LPIN1: variants seen among roughly 807,000 people sequenced by gnomAD.
The protein encoded by LPIN1 is lipin 1.
Under a neutral mutation model 107.5 loss-of-function variants are expected in LPIN1, and 71 were observed. The observed-to-expected ratio is 0.66, with a 90% CI of 0.55 to 0.80. LPIN1 has a LOEUF of 0.80. Among genes scored for constraint, LPIN1 ranks in the 30% least tolerant of loss-of-function variants. The pLI is 0.00. For synonymous variants in LPIN1, 445 were observed against 452.6 expected, an observed-to-expected ratio of 0.98 and a Z score of 0.21; for missense variants, 1,043 against 1,160.6, an observed-to-expected ratio of 0.90 and a Z score of 1.47.
chr2:11,759,967 G>A (rs1239503911), intron 1 of LPIN1, among the ~76,000 whole-genome samples: 2 of 147,932 alleles, frequency 1.4e-5, no homozygotes, highest in South Asian at 2.2e-4. Flanking sequence ...CTCAGACGGG[G>A]TGGCTGCCGG....
At chr2:11,725,219 C>T (rs1349114068) in intron 1 of LPIN1, among the ~76,000 whole-genome samples, 1 of 152,200 alleles carries the variant, frequency 6.6e-6, no homozygotes, top group Non-Finnish European at 1.5e-5. Flanking sequence ...TGAGATTGTG[C>T]CACTGCACTC....
intron 6 of LPIN1, chr2:11,777,241 C>G (rs1000502503): frequency 6.6e-6 from 1 of 152,106 alleles, no homozygotes; most frequent in Non-Finnish European, 1.5e-5. Flanking sequence ...CAGTGACGGT[C>G]GGCAGAAAGC....
chr2:11,811,368 C>T (rs925667075), intron 17 of LPIN1, among the ~76,000 whole-genome samples: 3 of 152,202 alleles, frequency 2.0e-5, no homozygotes, highest in African/African-American at 7.2e-5. Context: ...TGGTGGGGCA[C>T]TTGTTGGCAT....
At chr2:11,824,576 C>T in intron 20 of LPIN1, 56 bp from the exon 21 acceptor site, 1 of 1,589,294 alleles carries the variant, frequency 6.3e-7, no homozygotes, top group Non-Finnish European at 8.6e-7. Flanking sequence ...TACGTGCAGC[C>T]CTGGGTGCAT....
At chr2:11,715,710 G>A (rs1458217090) in intron 2 of LPIN1, among the ~76,000 whole-genome samples, 1 of 152,110 alleles carries the variant, frequency 6.6e-6, no homozygotes, top group Non-Finnish European at 1.5e-5. Flanking sequence ...GTGTTCTGCA[G>A]GGTATTGAAA....
At chr2:11,717,980 A>G (rs896568564) in intron 2 of LPIN1, among the ~76,000 whole-genome samples, 3 of 152,144 alleles carry the variant, frequency 2.0e-5, no homozygotes, top group African/African-American at 4.8e-5. Flanking sequence ...TAGTGCCTTT[A>G]TCACACTCTC....
At chr2:11,698,397 G>A (rs1025779376) in intron 1 of LPIN1, among the ~76,000 whole-genome samples, 148 of 152,194 alleles carry the variant, frequency 9.7e-4, no homozygotes, top group Admixed American at 3.3e-4. Context: ...TGGCTGCCAC[G>A]TCCTACGCCT....
upstream of LPIN1, among the ~76,000 whole-genome samples, chr2:11,743,886 C>T (rs78016133): frequency 0.032 from 4,815 of 152,240 alleles, 125 homozygotes; most frequent in African/African-American, 0.074. This position sits in a 1 kb window ranked among gnomAD's most constrained non-coding sequence, Gnocchi z 4.7. Context: ...TCAGAGTTCT[C>T]GGGATACAAC....
At chr2:11,789,431 C>A (rs182742688) in intron 12 of LPIN1, among the ~76,000 whole-genome samples, 1 of 151,180 alleles carries the variant, frequency 6.6e-6, no homozygotes, top group Non-Finnish European at 1.5e-5. Context: ...TATGTGTGTG[C>A]GTGTGTGTAT....
exon 2 of LPIN1, chr2:11,741,403 A>G (rs1373360366): frequency 1.3e-6 from 2 of 1,550,442 alleles, no homozygotes; most frequent in African/African-American, 2.7e-5. Flanking sequence ...AACAGAAGAC[A>G]ACTAGAAACC....
intron 1 of LPIN1, among the ~76,000 whole-genome samples, chr2:11,738,303 G>T (rs1272072109): frequency 6.6e-6 from 1 of 151,610 alleles, no homozygotes; most frequent in East Asian, 1.9e-4. Flanking sequence ...GTTGATGGGT[G>T]CAGCAAATCA....
At chr2:11,824,567 A>G in intron 20 of LPIN1, 65 bp from the exon 21 acceptor site, 28 of 1,558,448 alleles carry the variant, frequency 1.8e-5, no homozygotes, top group South Asian at 4.5e-5. Context: ...CTTGACTTCT[A>G]CGTGCAGCCC....
chr2:11,693,794 A>ATATATG lies in LPIN1; in HGVS notation c.81+16071_81+16072insGTATAT, dbSNP rs1288349773. On this transcript the variant is annotated intron_variant, in intron 1 of 21. Coordinates refer to the LPIN1 transcript ENST00000449576. ...TATGTGTGTGTGTGAGTGTGTATAT[A>ATATATG]TATATATATATATATATATATATAT... Among the ~76,000 whole-genome samples, 138 of 23,164 alleles carry ATATATG rather than the reference A, an allele frequency of 6.0e-3. 3 individuals carry two copies. The highest frequency in any genetic ancestry group is 0.018 in the African/African-American group (122 of 6,788). 15.2% of individuals were successfully genotyped at this position (23,164 alleles called of 152,430 possible).
At chr2:11,808,117 C>T (rs1679025864) in intron 17 of LPIN1, among the ~76,000 whole-genome samples, 1 of 152,160 alleles carries the variant, frequency 6.6e-6, no homozygotes, top group Non-Finnish European at 1.5e-5. Context: ...GTCCTCAGGC[C>T]ACAATCTGTG....
In LPIN1 at chr2:11,824,950, C is replaced by T. The variant is rs761825296; in HGVS notation, c.*159C>T. Reference sequence around the variant, plus strand: ...GAAGCATTTCTCCCCTGCCCCACCCCGGGGCTGACATTTCTAAGCAAGATA... The same window carrying T: ...GAAGCATTTCTCCCCTGCCCCACCCTGGGGCTGACATTTCTAAGCAAGATA... On this transcript the variant is annotated 3_prime_UTR_variant, in exon 21 of 21. Transcript: ENST00000674199. 28 of 784,806 alleles carry T rather than the reference C, an allele frequency of 3.6e-5. No homozygotes were observed. In the East Asian group the frequency reaches 4.3e-4, roughly 12 times the overall value. The allele number at this position is 784,806 out of a possible 1,614,324, so 48.6% of individuals were successfully genotyped here. A position where few individuals can be genotyped will look rare whatever the true frequency, so the allele number is the denominator to read the frequency against.
intron 3 of LPIN1, among the ~76,000 whole-genome samples, chr2:11,769,195 CAAAG>C (rs1445564755): frequency 6.6e-6 from 1 of 152,200 alleles, no homozygotes; most frequent in Non-Finnish European, 1.5e-5. Flanking sequence ...CAGCAGTGCA[CAAAG>C]AGTTGTGATT....
intron 2 of LPIN1, among the ~76,000 whole-genome samples, chr2:11,717,287 C>G (rs1442510360): frequency 6.6e-6 from 1 of 152,164 alleles, no homozygotes; most frequent in East Asian, 1.9e-4. Flanking sequence ...GCTGATTCTA[C>G]AGAGCATCAA....
chr2:11,813,651 A>C (rs1020123014), intron 17 of LPIN1, among the ~76,000 whole-genome samples: 1 of 152,180 alleles, frequency 6.6e-6, no homozygotes, highest in Non-Finnish European at 1.5e-5. Context: ...GTGGTGGCTC[A>C]TGCCTGTAAT....
At chr2:11,741,844 G>A (rs149219293), upstream of LPIN1, among the ~76,000 whole-genome samples, 1,349 of 150,404 alleles carry the variant, frequency 9.0e-3, 11 homozygotes, top group Middle Eastern at 0.044. Flanking sequence ...ACAAAAATTA[G>A]CTGGGTGAGG....
Sources: allele counts gnomAD v4.1 joint callset (sites outside exome capture counted in the v4.1 genomes callset), GRCh38; gene constraint gnomAD v4.1.1; non-coding constraint Gnocchi (gnomAD v3.1); transcripts MANE v1.5; gene names NCBI Gene and HGNC (gene_info 2026-07-23, HGNC 2026-07-21).